Variants in CFAP97D2 observed in about 807,000 individuals in gnomAD.
CFAP97D2 encodes the protein uncharacterized protein CFAP97D2.
chr13:114,190,621 C>T (rs771400816), intron 1 of CFAP97D2, among the ~76,000 whole-genome samples: 1 of 152,110 alleles, frequency 6.6e-6, no homozygotes, highest in East Asian at 1.9e-4. Context: ...AACTACAAAA[C>T]TCTGATAAAT....
At chr13:114,215,913 G>A (rs1020194168) in intron 4 of CFAP97D2, 2 of 152,230 alleles carry the variant, frequency 1.3e-5, no homozygotes, top group African/African-American at 4.8e-5. Flanking sequence ...CTGGGCTCAG[G>A]TAGGAGAGTC....
rs967794073 is a variant in CFAP97D2 at position 114,189,340 on chromosome 13, T to A, written c.91-7056T>A. 2.0e-5 allele frequency among the ~76,000 whole-genome samples: 3 copies of A among 152,136 alleles called. No homozygotes were observed. The highest frequency in any genetic ancestry group is 2.9e-5 in the Non-Finnish European group (2 of 68,004). On this transcript the variant is annotated intron_variant, in intron 1 of 4. Transcript: ENST00000646158. This position sits in a 1 kb window ranked among gnomAD's most constrained non-coding sequence, Gnocchi z 4.5. ...ATATCTATTCAAGAAATTGAATCAA[T>A]AATTAAACTTCCAAAACAGAACACT... is the stretch of plus-strand genomic sequence containing the variant.
chr13:114,181,869 G>A (rs949600138), intron 1 of CFAP97D2, among the ~76,000 whole-genome samples: 6 of 150,538 alleles, frequency 4.0e-5, no homozygotes, highest in Non-Finnish European at 8.9e-5. Context: ...TGCCCCCAGC[G>A]CTCCCCAACG....
chr13:114,205,212 G>A lies in CFAP97D2; in HGVS notation c.290+4769G>A, dbSNP rs546649813. On this transcript the variant is annotated intron_variant, in intron 3 of 4. Coordinates refer to ENST00000646158, the Ensembl canonical transcript of CFAP97D2. ...CATGTGGGGAAATTGGAACCCTCCA[G>A]GGCTGGGAGGAATGGTGCAGCCACT... 6.6e-5 allele frequency among the ~76,000 whole-genome samples: 10 copies of A among 152,208 alleles called. No individual in the cohort carries two copies. The South Asian group carries it at 2.1e-3, about 32-fold the overall frequency.
rs13378991 is a variant in CFAP97D2 at position 114,186,842 on chromosome 13, C to T, written c.90+7422C>T. Among the ~76,000 whole-genome samples, 2,381 of 152,322 alleles carry T rather than the reference C, an allele frequency of 0.016. 53 individuals are homozygous for T. Among genetic ancestry groups the T allele is most frequent in the African/African-American group, 0.054 (2,253 of 41,574 alleles). On this transcript the variant is annotated intron_variant, in intron 1 of 4. Transcript: ENST00000646158. The surrounding 1 kb of genome is among the most constrained non-coding windows in gnomAD (Gnocchi z 4.3). ...CCCCACACTCACTCACTCACACACC[C>T]CTCGCCACTCCACTCCAGTCTCTTC... is the stretch of plus-strand genomic sequence containing the variant.
In CFAP97D2 at chr13:114,185,445, G is replaced by A. The variant is rs1284102267; in HGVS notation, c.90+6025G>A. ...GGGCTGCACACTCCACGGAGCCTGT[G>A]GGAGCCAGGAATGAGTGGGAGCCCC... On this transcript the variant is annotated intron_variant, in intron 1 of 4. Transcript: ENST00000646158. This position sits in a 1 kb window ranked among gnomAD's most constrained non-coding sequence, Gnocchi z 5.2. 6.6e-6 allele frequency among the ~76,000 whole-genome samples: 1 copy of A among 152,168 alleles called. No individual in the cohort carries two copies. Among genetic ancestry groups the A allele is most frequent in the East Asian group, 1.9e-4 (1 of 5,186 alleles).
chr13:114,204,309 T>C (rs1197463488), intron 3 of CFAP97D2, among the ~76,000 whole-genome samples: 1 of 152,116 alleles, frequency 6.6e-6, no homozygotes, highest in African/African-American at 2.4e-5. Context: ...ACAGGAAAAT[T>C]GTGAGCTGTT....
intron 4 of CFAP97D2, among the ~76,000 whole-genome samples, chr13:114,213,640 G>C (rs2080979866): frequency 8.6e-6 from 1 of 116,648 alleles, no homozygotes; most frequent in Admixed American, 1.0e-4. Flanking sequence ...ACAAGCTCTA[G>C]GACCACAGAC....
chr13:114,196,424 C>T, exon 2 of CFAP97D2: 1 of 399,700 alleles, frequency 2.5e-6, no homozygotes, highest in Non-Finnish European at 4.4e-6. Flanking sequence ...CTGGTAGACA[C>T]CCGCGCCCCG....
intron 4 of CFAP97D2, among the ~76,000 whole-genome samples, chr13:114,213,162 T>G (rs2080975876): frequency 6.6e-6 from 1 of 152,200 alleles, no homozygotes; most frequent in Non-Finnish European, 1.5e-5. Flanking sequence ...ACCGTTATAT[T>G]GTGGACCATT....
rs1227979568 is a variant in CFAP97D2 at position 114,203,327 on chromosome 13, A to T, written c.290+2884A>T. Among the ~76,000 whole-genome samples the T allele has an allele frequency of 1.3e-5, 2 of 152,240 alleles. No homozygotes were observed. The highest frequency in any genetic ancestry group is 2.9e-5 in the Non-Finnish European group (2 of 68,046). On this transcript the variant is annotated intron_variant, in intron 3 of 4. Coordinates refer to ENST00000646158, the Ensembl canonical transcript of CFAP97D2. This position sits in a 1 kb window ranked among gnomAD's most constrained non-coding sequence, Gnocchi z 4.3. ...AAACAATTCCATACTCAAAAGTATC[A>T]AAAGAATAGGTACTTAGGAATAAAC...
intron 1 of CFAP97D2, among the ~76,000 whole-genome samples, chr13:114,182,809 A>G (rs1043415473): frequency 3.9e-5 from 6 of 152,204 alleles, no homozygotes; most frequent in Non-Finnish European, 7.3e-5. Context: ...GCTGGGGCAA[A>G]GCTACAAATT....
In CFAP97D2 at chr13:114,207,645, G is replaced by A. The variant is rs1048400235; in HGVS notation, c.291-4267G>A. ...AATACAGATGAAGCTTCGCTCCCTCGCCTGCTGCTCACCTCCTGCTGTTTG... is the reference window on the plus strand; with the variant it reads ...AATACAGATGAAGCTTCGCTCCCTCACCTGCTGCTCACCTCCTGCTGTTTG... On this transcript the variant is annotated intron_variant, in intron 3 of 4. Coordinates refer to ENST00000646158, the Ensembl canonical transcript of CFAP97D2. The surrounding 1 kb of genome is among the most constrained non-coding windows in gnomAD (Gnocchi z 4.9). 4.6e-5 allele frequency among the ~76,000 whole-genome samples: 7 copies of A among 152,222 alleles called. No homozygotes were observed. Among genetic ancestry groups the A allele is most frequent in the Non-Finnish European group, 7.3e-5 (5 of 68,042 alleles).
intron 1 of CFAP97D2, among the ~76,000 whole-genome samples, chr13:114,182,605 C>A (rs201269187): frequency 1.3e-5 from 2 of 152,250 alleles, no homozygotes; most frequent in South Asian, 4.1e-4. Flanking sequence ...GAGGTCCCTG[C>A]GGCTTTCTGC....
downstream of CFAP97D2, chr13:114,222,738 C>T (rs963308728): frequency 2.6e-6 from 1 of 389,040 alleles, no homozygotes; most frequent in African/African-American, 2.1e-5. The surrounding 1 kb of genome is among the most constrained non-coding windows in gnomAD (Gnocchi z 4.4). Flanking sequence ...CTGTCTTCCT[C>T]TCTTCACTGT....
At position 114,216,282 on chromosome 13, in the gene CFAP97D2, A is replaced by G. The variant is rs141169240; in HGVS notation, c.480+4181A>G. ...CCGGCTTGTTTTCAGACATCATTTT[A>G]TTTTTTACTTATTTATTTTCTGTTA... On this transcript the variant is annotated intron_variant, in intron 4 of 4. Transcript: ENST00000646158. Among the ~76,000 whole-genome samples, 628 of 151,932 alleles carry G rather than the reference A, an allele frequency of 4.1e-3. 6 individuals carry two copies. The highest frequency in any genetic ancestry group is 8.3e-3 in the Admixed American group (127 of 15,266).
intron 1 of CFAP97D2, among the ~76,000 whole-genome samples, chr13:114,194,935 C>T (rs1479988448): frequency 1.3e-5 from 2 of 152,216 alleles, no homozygotes; most frequent in East Asian, 3.9e-4. Flanking sequence ...ACATAGTTAA[C>T]TCAGAATTTC....
intron 3 of CFAP97D2, among the ~76,000 whole-genome samples, chr13:114,204,307 A>G (rs1165365195): frequency 6.6e-6 from 1 of 152,150 alleles, no homozygotes; most frequent in Non-Finnish European, 1.5e-5. Context: ...GCACAGGAAA[A>G]TTGTGAGCTG....
intron 2 of CFAP97D2, among the ~76,000 whole-genome samples, chr13:114,198,988 G>C (rs1215128029): frequency 2.3e-5 from 1 of 42,888 alleles, no homozygotes; most frequent in Admixed American, 2.0e-4. Flanking sequence ...ACTGAGGCGT[G>C]ACAGCGCGTC....
Sources: gnomAD v4.1 joint callset for allele counts (sites outside exome capture counted in the v4.1 genomes callset) on GRCh38, gnomAD v4.1.1 for gene constraint, Gnocchi (gnomAD v3.1) non-coding constraint, MANE v1.5 for transcripts, NCBI Gene and HGNC (gene_info 2026-07-23, HGNC 2026-07-21) for gene names.